ATR: variants seen among roughly 807,000 people sequenced by gnomAD.
ATR encodes the protein serine/threonine-protein kinase ATR.
ATR carries 142 observed loss-of-function variants against 305.3 expected under a neutral mutation model. That is an observed-to-expected ratio of 0.47 (90% CI 0.41 to 0.53). ATR has a LOEUF of 0.53. Among genes scored for constraint, ATR ranks in the 20% least tolerant of loss-of-function variants. ATR has a pLI of 0.00. For synonymous variants in ATR, 1,050 were observed against 1,068.1 expected, an observed-to-expected ratio of 0.98 and a Z score of 0.33; for missense variants, 2,135 against 3,133.1, an observed-to-expected ratio of 0.68 and a Z score of 7.60.
intron 28 of ATR, among the ~76,000 whole-genome samples, chr3:142,505,690 A>G (rs1397035493): frequency 6.6e-6 from 1 of 152,234 alleles, no homozygotes; most frequent in Non-Finnish European, 1.5e-5. Flanking sequence ...TGTTATTGAG[A>G]TGACTTCAAG....
At chr3:142,468,165 T>G in intron 38 of ATR, 97 bp from the exon 39 acceptor site, 2 of 1,412,640 alleles carry the variant, frequency 1.4e-6, no homozygotes, top group Non-Finnish European at 2.0e-6. Context: ...AAAGTATTCA[T>G]GATGAGAGTT....
chr3:142,576,916 T>G (rs553026295), intron 1 of ATR, among the ~76,000 whole-genome samples: 210 of 152,116 alleles, frequency 1.4e-3, no homozygotes, highest in African/African-American at 4.7e-3. Flanking sequence ...TTTTTTTCAG[T>G]AGTCTAATTG....
chr3:142,560,273 T>C lies in ATR; in HGVS notation c.1531A>G (p.Asn511Asp), dbSNP rs1242691173. Residue 511 changes from asparagine (N) to aspartate (D), a missense_variant, in exon 6 of 47, where the codon AAC (asparagine) becomes GAC (aspartate). By Grantham distance (23) the Asn-to-Asp change is conservative (BLOSUM62 1). Coordinates refer to ENST00000350721, the MANE Select transcript of ATR (RefSeq NM_001184.4). Reference sequence around the variant, plus strand: ...AGAAGTTTGTTTTACCAGTTCATGTTTTGATGAGAACAATGAACAGTACAC... The same window carrying C: ...AGAAGTTTGTTTTACCAGTTCATGTCTTGATGAGAACAATGAACAGTACAC... ...ALCTVHCSHQ[N>D]MNCRTFKDCQ... The C allele has an allele frequency of 2.5e-6, 4 of 1,613,668 alleles. No individual in the cohort carries two copies. In the African/African-American group the frequency reaches 5.3e-5, roughly 22 times the overall value.
chr3:142,519,545 C>A, intron 24 of ATR, 124 bp downstream of exon 24: 1 of 714,622 alleles, frequency 1.4e-6, no homozygotes, highest in Admixed American at 2.4e-5. Flanking sequence ...CGTGATCCGC[C>A]CGCCTCAGCC....
chr3:142,503,282 C>T (rs993621057), intron 30 of ATR, 80 bp downstream of exon 30: 1 of 983,428 alleles, frequency 1.0e-6, no homozygotes, highest in Non-Finnish European at 1.6e-6. Flanking sequence ...CTCTACTAAA[C>T]ATTAAATTAC....
chr3:142,548,410 T>C (rs1395899756), intron 15 of ATR, among the ~76,000 whole-genome samples: 1 of 152,212 alleles, frequency 6.6e-6, no homozygotes, highest in East Asian at 1.9e-4. Flanking sequence ...GGTTCACACC[T>C]GTAATTCCAG....
chr3:142,452,706 C>G (rs1016489895), intron 46 of ATR: 3 of 1,053,598 alleles, frequency 2.8e-6, no homozygotes, highest in Admixed American at 1.0e-4. Flanking sequence ...ACCACAACAA[C>G]AACAACAAAA....
chr3:142,502,961 C>T (rs2032052062), intron 30 of ATR, among the ~76,000 whole-genome samples: 1 of 152,204 alleles, frequency 6.6e-6, no homozygotes. Context: ...ATTCATCAAT[C>T]ATTTAGGGTA....
Position 142,499,649 on chromosome 3 carries a change from C to T in ATR, c.5358G>A (p.Leu1786=). 6.2e-7 allele frequency: 1 copy of T among 1,614,016 alleles called. No homozygotes were observed. The highest frequency in any genetic ancestry group is 8.5e-7 in the Non-Finnish European group (1 of 1,179,946). Residue 1786 remains leucine, a synonymous_variant, in exon 31 of 47, where the codon TTG becomes TTA. Coordinates refer to ENST00000350721, the MANE Select transcript of ATR (RefSeq NM_001184.4). The part of the protein sequence containing the change: ...EAAWKLSQWD[L]VENYLAADGK... ...TACCTGCTGCCAAATAGTTTTCCAC[C>T]AAATCCCACTGTGACAATTTCCAAG...
intron 41 of ATR, among the ~76,000 whole-genome samples, chr3:142,464,124 T>C (rs2071078450): frequency 6.6e-6 from 1 of 152,178 alleles, no homozygotes; most frequent in Admixed American, 6.5e-5. Context: ...CTTTTATTTA[T>C]CTATTTATTT....
chr3:142,569,605 A>C (rs997244426), intron 1 of ATR, among the ~76,000 whole-genome samples: 4 of 151,132 alleles, frequency 2.6e-5, no homozygotes, highest in African/African-American at 9.7e-5. Context: ...TGTAGGCATG[A>C]GTCACCATGC....
chr3:142,453,086 GATGAGGACTACAGCCCATATCAAGCT>G lies in ATR; in HGVS notation c.7761+16_7761+41del. Reference sequence around the variant, plus strand: ...GCTGCATATCAAGTTCATTTGTAGAGATGAGGACTACAGCCCATATCAAGCTATACCTTCTACTAACCTTTTCATTG... The same window carrying G: ...GCTGCATATCAAGTTCATTTGTAGAGATACCTTCTACTAACCTTTTCATTG... On this transcript the variant is annotated intron_variant, in intron 46 of 46. Transcript: ENST00000350721. The G allele has an allele frequency of 6.2e-7, 1 of 1,612,940 alleles. No homozygotes were observed. The highest frequency in any genetic ancestry group is 8.5e-7 in the Non-Finnish European group (1 of 1,179,516).
At chr3:142,542,947 T>C (rs193153067) in intron 16 of ATR, among the ~76,000 whole-genome samples, 190 bp from the exon 17 acceptor site, 132 of 152,298 alleles carry the variant, frequency 8.7e-4, no homozygotes, top group African/African-American at 3.1e-3. Flanking sequence ...AAACATGTAG[T>C]ATTTAAAGGA....
At chr3:142,499,245 G>A in intron 31 of ATR, 1 of 315,388 alleles carries the variant, frequency 3.2e-6, no homozygotes, top group South Asian at 2.9e-5. Flanking sequence ...TATTAAGTAT[G>A]AATGTTGCTA....
At chr3:142,478,106 C>A (rs1053629400) in intron 36 of ATR, among the ~76,000 whole-genome samples, 1 of 152,134 alleles carries the variant, frequency 6.6e-6, no homozygotes, top group South Asian at 2.1e-4. Flanking sequence ...CTGCTCTGAC[C>A]TAAGTTATTT....
intron 46 of ATR, chr3:142,450,084 G>A (rs376507871): frequency 1.9e-5 from 6 of 311,020 alleles, no homozygotes; most frequent in African/African-American, 6.5e-5. Flanking sequence ...AATTCTCAGA[G>A]GTGGTGCTGG....
intron 23 of ATR, among the ~76,000 whole-genome samples, chr3:142,522,038 G>C (rs1317002506): frequency 3.9e-5 from 6 of 152,208 alleles, no homozygotes; most frequent in African/African-American, 1.4e-4. Context: ...AAACTTCGTT[G>C]TCTGATTTTT....
chr3:142,462,289 T>G (rs1343882394), intron 41 of ATR, among the ~76,000 whole-genome samples, 199 bp from the exon 42 acceptor site: 1 of 152,202 alleles, frequency 6.6e-6, no homozygotes, highest in African/African-American at 2.4e-5. Flanking sequence ...TTACAGATTA[T>G]TAAAAATGTC....
intron 13 of ATR, 111 bp downstream of exon 13, chr3:142,553,116 T>C: frequency 7.4e-7 from 1 of 1,355,440 alleles, no homozygotes; most frequent in African/African-American, 1.5e-5. Flanking sequence ...AAATATAAAT[T>C]GAAGAAAAAA....
Sources: allele counts gnomAD v4.1 joint callset (sites outside exome capture counted in the v4.1 genomes callset), GRCh38; gene constraint gnomAD v4.1.1; transcripts MANE v1.5; gene names NCBI Gene and HGNC (gene_info 2026-07-23, HGNC 2026-07-21).